The following CNTN1 variants were observed in gnomAD, a reference collection of about 807,000 sequenced individuals.
CNTN1 encodes contactin 1, also known as contactin-1.
A neutral mutation model predicts 126.4 loss-of-function variants in CNTN1; 38 were observed. That is an observed-to-expected ratio of 0.30 (90% CI 0.23 to 0.39). CNTN1 has a LOEUF of 0.39. Among genes scored for constraint, CNTN1 ranks in the 10% least tolerant of loss-of-function variants. The pLI is 1.00. For synonymous variants in CNTN1, 413 were observed against 422.6 expected (o/e 0.98, Z 0.28); for missense variants, 1,009 against 1,248.4 (o/e 0.81, Z 2.89).
intron 1 of CNTN1, among the ~76,000 whole-genome samples, chr12:40,799,948 A>G (rs377619567): frequency 6.6e-6 from 1 of 152,030 alleles, no homozygotes; most frequent in Non-Finnish European, 1.5e-5. Flanking sequence ...GTACAATATG[A>G]CATTAAAGTC....
At chr12:40,723,955 A>G (rs577525700) in intron 1 of CNTN1, among the ~76,000 whole-genome samples, 11 of 152,296 alleles carry the variant, frequency 7.2e-5, no homozygotes, top group Non-Finnish European at 1.6e-4. Flanking sequence ...AGAATTATAA[A>G]TTATAAAGGA....
rs187991682 is a variant in CNTN1 at position 40,740,770 on chromosome 12, C to T, written c.-77+48178C>T. On this transcript the variant is annotated intron_variant, in intron 1 of 23. Transcript: ENST00000551295. ...TGGGGGTGGGTTTTCCCATGTTGTT[C>T]TCGTGATACTGAATAAGTCTCACAA... 4.7e-4 allele frequency among the ~76,000 whole-genome samples: 72 copies of T among 152,080 alleles called. 1 individual carries two copies. The highest frequency in any genetic ancestry group is 1.7e-3 in the African/African-American group (70 of 41,520).
chr12:40,748,446 T>C (rs781468770), intron 1 of CNTN1, among the ~76,000 whole-genome samples: 22 of 152,142 alleles, frequency 1.4e-4, no homozygotes, highest in Non-Finnish European at 2.9e-4. Flanking sequence ...TGGTAAATTA[T>C]ATAACACAGT....
At chr12:40,885,293 G>A (rs1445616903) in intron 1 of CNTN1, among the ~76,000 whole-genome samples, 2 of 151,882 alleles carry the variant, frequency 1.3e-5, no homozygotes, top group African/African-American at 2.4e-5. Flanking sequence ...GATAATACAT[G>A]TAAGGTGTCT....
At chr12:40,780,829 A>G (rs1397769868) in intron 1 of CNTN1, among the ~76,000 whole-genome samples, 5 of 151,504 alleles carry the variant, frequency 3.3e-5, no homozygotes, top group Admixed American at 6.6e-5. Flanking sequence ...TTTGTTGAGT[A>G]GGAAGGTATG....
At chr12:40,858,102 A>G (rs1297906906) in intron 1 of CNTN1, among the ~76,000 whole-genome samples, 1 of 152,108 alleles carries the variant, frequency 6.6e-6, no homozygotes, top group Non-Finnish European at 1.5e-5. Flanking sequence ...TGTTAGCAGA[A>G]TTCAGTGCCT....
intron 14 of CNTN1, among the ~76,000 whole-genome samples, chr12:40,950,778 T>C (rs1438820430): frequency 6.6e-6 from 1 of 152,156 alleles, no homozygotes; most frequent in African/African-American, 2.4e-5. Flanking sequence ...CCTGGGTGTG[T>C]TTTCAGTTGG....
intron 1 of CNTN1, among the ~76,000 whole-genome samples, chr12:40,872,319 G>A (rs145613515): frequency 1.3e-5 from 2 of 150,866 alleles, no homozygotes; most frequent in East Asian, 3.9e-4. Context: ...AAAACTTTTA[G>A]TGTATAGTTA....
chr12:41,066,055 C>A (rs117243315), intron 23 of CNTN1, among the ~76,000 whole-genome samples: 1 of 152,112 alleles, frequency 6.6e-6, no homozygotes, highest in Non-Finnish European at 1.5e-5. Flanking sequence ...GGGGAATCAA[C>A]CATCTAATAA....
At chr12:40,962,538 G>T (rs1019096705) in intron 15 of CNTN1, among the ~76,000 whole-genome samples, 1 of 152,018 alleles carries the variant, frequency 6.6e-6, no homozygotes, top group African/African-American at 2.4e-5. Flanking sequence ...AAACACTCCC[G>T]CTGTGAGTTT....
chr12:40,775,184 G>T (rs537487000), intron 1 of CNTN1, among the ~76,000 whole-genome samples: 1 of 151,224 alleles, frequency 6.6e-6, no homozygotes, highest in African/African-American at 2.4e-5. Context: ...TATTTATCTT[G>T]ATCTACTATA....
chr12:41,056,917 T>TTTAGATATTTATAAATATTTATA (rs1555205942), intron 23 of CNTN1, among the ~76,000 whole-genome samples: 1 of 70,022 alleles, frequency 1.4e-5, no homozygotes, highest in Admixed American at 1.8e-4. Flanking sequence ...TAAATATTTA[T>TTTAGATATTTATAAATATTTATA]AATATTTAGA....
chr12:40,899,638 T>C (rs545477951), intron 1 of CNTN1, among the ~76,000 whole-genome samples: 1 of 152,330 alleles, frequency 6.6e-6, no homozygotes, highest in South Asian at 2.1e-4. Context: ...TTGTTCTCTG[T>C]GAGCAACGAA....
At chr12:40,928,983 T>C (rs570132619) in intron 6 of CNTN1, among the ~76,000 whole-genome samples, 1 of 152,116 alleles carries the variant, frequency 6.6e-6, no homozygotes, top group African/African-American at 2.4e-5. Context: ...TGTCTTTATG[T>C]GATCAAGATG....
At chr12:40,988,438 CA>C (rs1437066298) in intron 16 of CNTN1, among the ~76,000 whole-genome samples, 2 of 152,132 alleles carry the variant, frequency 1.3e-5, no homozygotes, top group African/African-American at 2.4e-5. Flanking sequence ...ATTCTTGACA[CA>C]ATCTGTTTTT....
In CNTN1 at chr12:41,025,145, T is replaced by C; in HGVS notation, c.2524-5T>C. Reference sequence around the variant, plus strand: ...CAAAATATAACTCATCCTGAATGTTTGCAGATTCGGTATTGGGCTGCCCAT... The same window carrying C: ...CAAAATATAACTCATCCTGAATGTTCGCAGATTCGGTATTGGGCTGCCCAT... On this transcript the variant is annotated splice_region_variant and splice_polypyrimidine_tract_variant and intron_variant, in intron 20 of 23. Coordinates refer to ENST00000551295, the MANE Select transcript of CNTN1 (RefSeq NM_001843.4). 6.2e-7 allele frequency: 1 copy of C among 1,613,780 alleles called. No individual in the cohort carries two copies. Among genetic ancestry groups the C allele is most frequent in the South Asian group, 1.1e-5 (1 of 91,076 alleles).
intron 1 of CNTN1, among the ~76,000 whole-genome samples, chr12:40,717,557 C>T (rs940239289): frequency 6.6e-6 from 1 of 152,152 alleles, no homozygotes; most frequent in African/African-American, 2.4e-5. Context: ...AATTTGTGCT[C>T]ATTCACCTGG....
At chr12:40,958,970 C>T (rs768432747) in intron 14 of CNTN1, 144 bp from the exon 15 acceptor site, 1 of 896,820 alleles carries the variant, frequency 1.1e-6, no homozygotes, top group Non-Finnish European at 1.8e-6. Flanking sequence ...AAGCCTAGAG[C>T]AAGGACATAG....
At chr12:40,712,960 G>A (rs965379690) in intron 1 of CNTN1, among the ~76,000 whole-genome samples, 1 of 151,984 alleles carries the variant, frequency 6.6e-6, no homozygotes, top group African/African-American at 2.4e-5. Flanking sequence ...TAATTCCCAT[G>A]AGAGCTGGTT....
Sources: allele counts gnomAD v4.1 joint callset (sites outside exome capture counted in the v4.1 genomes callset), GRCh38; gene constraint gnomAD v4.1.1; transcripts MANE v1.5; gene names NCBI Gene and HGNC (gene_info 2026-07-23, HGNC 2026-07-21).